Variants in SP3 observed in about 807,000 individuals in gnomAD.
SP3 encodes the protein transcription factor Sp3.
Under a neutral mutation model 70.3 loss-of-function variants are expected in SP3, and 10 were observed. The ratio of observed to expected loss-of-function variants is 0.14; its 90% CI spans 0.09 to 0.24. SP3 has a LOEUF of 0.24. Ranked by LOEUF, SP3 falls within the 10% of genes least tolerant of loss-of-function variation. SP3 has a pLI of 1.00. For missense variants in SP3, 825 were observed against 914.6 expected (o/e 0.90, Z 1.26); for synonymous variants, 402 against 333.5 (o/e 1.21, Z -2.24).
chr2:173,961,668 T>C (rs974972962), intron 3 of SP3, among the ~76,000 whole-genome samples: 3 of 152,210 alleles, frequency 2.0e-5, no homozygotes, highest in African/African-American at 7.2e-5. Flanking sequence ...TATTCCAAAA[T>C]ACAATTATTT....
At position 173,905,593 on chromosome 2, in the gene SP3, TTACATGACAATA is replaced by T. The variant is rs1174965764; in HGVS notation, c.*4336_*4347del. Among the ~76,000 whole-genome samples, 2 of 152,070 alleles carry T rather than the reference TTACATGACAATA, an allele frequency of 1.3e-5. No individual in the cohort carries two copies. Among genetic ancestry groups the T allele is most frequent in the East Asian group, 1.9e-4 (1 of 5,176 alleles). ...ATACAATGAAGTGGCATGAATCATG[TTACATGACAATA>T]TACATGACACCTTTTTAAAAAATAT... On this transcript the variant is annotated 3_prime_UTR_variant, in exon 7 of 7. Transcript: ENST00000310015.
At chr2:173,911,027 T>C (rs1488956709) in intron 6 of SP3, among the ~76,000 whole-genome samples, 1 of 152,174 alleles carries the variant, frequency 6.6e-6, no homozygotes, top group Non-Finnish European at 1.5e-5. Context: ...TCAATAAATC[T>C]AGTAAATATT....
chr2:173,933,636 CTTTATATATATATATATA>C, intron 4 of SP3, among the ~76,000 whole-genome samples: 1 of 32,832 alleles, frequency 3.0e-5, no homozygotes, highest in East Asian at 6.9e-4. Context: ...ATTTATAAAA[CTTTATATATATATATATA>C]TATATATATA....
At chr2:173,939,763 T>TAAAAAAAA (rs1690308402) in intron 4 of SP3, among the ~76,000 whole-genome samples, 2 of 4,770 alleles carry the variant, frequency 4.2e-4, no homozygotes, top group African/African-American at 7.3e-4. Flanking sequence ...AGACTCCAAC[T>TAAAAAAAA]CAAAAAAAAA....
At chr2:173,960,161 C>T (rs1162203805) in intron 3 of SP3, among the ~76,000 whole-genome samples, 1 of 152,134 alleles carries the variant, frequency 6.6e-6, no homozygotes, top group Non-Finnish European at 1.5e-5. Context: ...CAAAGCGAGC[C>T]TTTCTCAAAA....
At chr2:173,922,000 C>T (rs1205392008) in intron 4 of SP3, among the ~76,000 whole-genome samples, 1 of 152,126 alleles carries the variant, frequency 6.6e-6, no homozygotes, top group Non-Finnish European at 1.5e-5. Flanking sequence ...TGAGGCCTTC[C>T]CAGACCCAGA....
At chr2:173,951,352 A>G (rs577968600) in intron 4 of SP3, among the ~76,000 whole-genome samples, 1 of 152,366 alleles carries the variant, frequency 6.6e-6, no homozygotes, top group Admixed American at 6.5e-5. Flanking sequence ...CATGTAGTAT[A>G]TGTGTATACT....
Position 173,956,021 on chromosome 2 carries a change from G to A in SP3, c.491C>T (p.Thr164Ile), listed in dbSNP as rs1690878576. The A allele has an allele frequency of 6.2e-7, 1 of 1,614,042 alleles. No individual in the cohort carries two copies. The highest frequency in any genetic ancestry group is 1.7e-5 in the Admixed American group (1 of 60,004). The change falls in exon 4 of 7, where the codon ACA (threonine) becomes ATA (isoleucine). Residue 164 changes from threonine to isoleucine, a missense_variant. Thr to Ile is a moderately conservative substitution (Grantham distance 89). Coordinates refer to ENST00000310015, the MANE Select transcript of SP3 (RefSeq NM_003111.5). ...VAPGSDSSNG[T>I]VSSVQYQVIP... ...CACTTGATATTGAACACTGGACACT[G>A]TACCATTTGATGAATCTGATCCTGG...
At chr2:173,964,651 G>C (rs1283225820) in intron 1 of SP3, 98 bp from the exon 2 acceptor site, 3 of 494,522 alleles carry the variant, frequency 6.1e-6, no homozygotes, top group Non-Finnish European at 1.1e-5. Flanking sequence ...CCAAAGCCCG[G>C]ACCCAGGCCC....
chr2:173,920,009 T>C (rs1330478356), intron 4 of SP3, among the ~76,000 whole-genome samples: 1 of 152,176 alleles, frequency 6.6e-6, no homozygotes, highest in African/African-American at 2.4e-5. Context: ...CAATGGAACA[T>C]GTTAAAACAA....
intron 4 of SP3, among the ~76,000 whole-genome samples, chr2:173,945,521 T>G (rs1280348563): frequency 6.6e-6 from 1 of 152,182 alleles, no homozygotes; most frequent in Non-Finnish European, 1.5e-5. Context: ...AACATCTTTA[T>G]GTATACAGTA....
At position 173,962,386 on chromosome 2, in the gene SP3, C is replaced by T. The variant is rs1691115932; in HGVS notation, c.279+1375G>A. On this transcript the variant is annotated intron_variant, in intron 3 of 6. Transcript: ENST00000310015. Reference sequence around the variant, plus strand: ...ATGCAGTAGTTTTTTAAGATACAGTCAATTTGTTTTGGCACTTTGGAACTA... The same window carrying T: ...ATGCAGTAGTTTTTTAAGATACAGTTAATTTGTTTTGGCACTTTGGAACTA... Among the ~76,000 whole-genome samples, 3 of 152,162 alleles carry T rather than the reference C, an allele frequency of 2.0e-5. No individual in the cohort carries two copies. In the South Asian group the frequency reaches 6.2e-4, roughly 31 times the overall value.
In SP3 at chr2:173,909,739, T is replaced by C. The variant is rs1237247726; in HGVS notation, c.*202A>G. ...ATTTCTTCTAGATTCCAAAAGTACC[T>C]ACAAAACCCATGCAATTTTACCATT... On this transcript the variant is annotated 3_prime_UTR_variant, in exon 7 of 7. Transcript: ENST00000310015. The C allele has an allele frequency of 2.2e-6, 1 of 457,814 alleles. No homozygotes were observed. Among genetic ancestry groups the C allele is most frequent in the Non-Finnish European group, 3.9e-6 (1 of 257,332 alleles). 28.4% of individuals were successfully genotyped at this position (457,814 alleles called of 1,614,324 possible).
Position 173,905,327 on chromosome 2 carries a change from G to T in SP3, c.*4614C>A, listed in dbSNP as rs538233424. On this transcript the variant is annotated 3_prime_UTR_variant, in exon 7 of 7. Transcript: ENST00000310015. ...CTACCGTTAAGTCAGGCACTATGCT[G>T]AATGCTTATATTTTAATACAACAAT... Among the ~76,000 whole-genome samples the T allele has an allele frequency of 1.3e-5, 2 of 152,296 alleles. No individual in the cohort carries two copies. Among genetic ancestry groups the T allele is most frequent in the East Asian group, 3.9e-4 (2 of 5,184 alleles).
intron 3 of SP3, chr2:173,963,529 C>T (rs1285711191): frequency 6.4e-6 from 1 of 155,150 alleles, no homozygotes; most frequent in African/African-American, 2.4e-5. Context: ...TCTCAGACTT[C>T]ATTTTGTGAA....
intron 4 of SP3, among the ~76,000 whole-genome samples, chr2:173,940,783 T>C (rs1385455751): frequency 2.0e-5 from 3 of 152,218 alleles, no homozygotes; most frequent in African/African-American, 7.2e-5. Context: ...TTCTCAAACT[T>C]CCTAACACCT....
chr2:173,941,532 C>T (rs779163495), intron 4 of SP3, among the ~76,000 whole-genome samples: 3 of 152,190 alleles, frequency 2.0e-5, no homozygotes, highest in Non-Finnish European at 4.4e-5. Flanking sequence ...GTCACCTGAG[C>T]CCGGAAGGTC....
chr2:173,948,360 T>G (rs1017595087), intron 4 of SP3, among the ~76,000 whole-genome samples: 1 of 152,164 alleles, frequency 6.6e-6, no homozygotes, highest in Non-Finnish European at 1.5e-5. Context: ...TCTCATGCTG[T>G]CTCATTCCAT....
chr2:173,960,838 T>C (rs757574446), intron 3 of SP3, among the ~76,000 whole-genome samples: 3 of 150,542 alleles, frequency 2.0e-5, no homozygotes, highest in South Asian at 2.1e-4. Flanking sequence ...TAGCCGGGCA[T>C]GGTGGCACAC....
Sources: gnomAD v4.1 joint callset for allele counts (sites outside exome capture counted in the v4.1 genomes callset) on GRCh38, gnomAD v4.1.1 for gene constraint, MANE v1.5 for transcripts, NCBI Gene and HGNC (gene_info 2026-07-23, HGNC 2026-07-21) for gene names.